RAB3D: variants seen among roughly 807,000 people sequenced by gnomAD.
The protein encoded by RAB3D is ras-related protein Rab-3D.
Under a neutral mutation model 19.3 loss-of-function variants are expected in RAB3D, and 17 were observed. The observed-to-expected ratio is 0.88, with a 90% CI of 0.60 to 1.32. The LOEUF (loss-of-function observed/expected upper bound fraction) is 1.32. Ranked by LOEUF, RAB3D falls within the 40% of genes most tolerant of loss-of-function variation. The pLI is 0.00. For synonymous variants in RAB3D, 103 were observed against 119.9 expected (o/e 0.86, Z 0.92); for missense variants, 223 against 299.1 (o/e 0.75, Z 1.88).
Position 11,337,338 on chromosome 19 carries a change from T to C in RAB3D, c.62A>G (p.Tyr21Cys), listed in dbSNP as rs921920867. The C allele has an allele frequency of 5.0e-6, 8 of 1,614,164 alleles. No homozygotes were observed. Among genetic ancestry groups the C allele is most frequent in the South Asian group, 2.2e-5 (2 of 91,080 alleles). The change falls in exon 2 of 5, where the codon TAT becomes TGT. Residue 21 changes from tyrosine to cysteine, a missense_variant. By Grantham distance (194) the Tyr-to-Cys change is radical. Transcript: ENST00000222120. ...PRDAADQNFD[Y>C]MFKLLLIGNS... ...GCCTATCAGTAGCAGTTTGAACATA[T>C]AGTCGAAGTTCTGATCTGCTGCATC...
intron 4 of RAB3D, among the ~76,000 whole-genome samples, chr19:11,327,670 A>T (rs943983707): frequency 3.9e-5 from 6 of 152,072 alleles, no homozygotes; most frequent in African/African-American, 1.4e-4. Flanking sequence ...AAGTGCTGGG[A>T]TTACAGGCAT....
rs199536980 is a variant in RAB3D at position 11,337,271 on chromosome 19, C to T, written c.129G>A (p.Ala43=). The change falls in exon 2 of 5, where the codon GCG becomes GCA. Residue 43 remains alanine (A), a synonymous_variant. Transcript: ENST00000222120. ...VGKTSFLFRY[A]DDSFTPAFVS... is the part of the protein sequence containing the mutation. ...CGAAGGCGGGAGTGAAGGAGTCGTC[C>T]GCGTATCGGAACAGGAAGGAAGTCT... 153 of 1,614,094 alleles carry T rather than the reference C, an allele frequency of 9.5e-5. No individual in the cohort carries two copies. Among genetic ancestry groups the T allele is most frequent in the Middle Eastern group, 1.6e-4 (1 of 6,062 alleles).
rs1341914914 is a variant in RAB3D at position 11,335,671 on chromosome 19, T to G, written c.341A>C (p.Gln114Pro). ...IANQESFAAV[Q>P]DWATQIKTYS... is the part of the protein sequence containing the mutation. ...ATGATCAGCAAGCACTCACCAGTCC[T>G]GCACAGCGGCAAAGGATTCCTGATT... The change falls in exon 3 of 5, where the codon CAG becomes CCG. Residue 114 changes from glutamine (Q) to proline (P), a missense_variant. Gln to Pro is a moderately conservative substitution (Grantham distance 76). Coordinates refer to ENST00000222120, the MANE Select transcript of RAB3D (RefSeq NM_004283.4). 2.5e-6 allele frequency: 4 copies of G among 1,614,100 alleles called. No homozygotes were observed. The highest frequency in any genetic ancestry group is 3.4e-6 in the Non-Finnish European group (4 of 1,179,952).
Position 11,337,236 on chromosome 19 carries a change from A to C in RAB3D, c.164T>G (p.Val55Gly). Residue 55 changes from valine to glycine, a missense_variant, in exon 2 of 5, where the codon GTG (valine) becomes GGG (glycine). Coordinates refer to ENST00000222120, the MANE Select transcript of RAB3D (RefSeq NM_004283.4). The part of the protein sequence containing the change: ...DSFTPAFVST[V>G]GIDFKVKTVY... ...GGTCTTGACCTTGAAATCGATGCCC[A>C]CAGTACTGACGAAGGCGGGAGTGAA... 6.2e-7 allele frequency: 1 copy of C among 1,614,026 alleles called. No homozygotes were observed. Among genetic ancestry groups the C allele is most frequent in the Non-Finnish European group, 8.5e-7 (1 of 1,180,002 alleles).
Position 11,324,552 on chromosome 19 carries a change from T to C in RAB3D, c.*846A>G, listed in dbSNP as rs1280140571. 1 of 152,650 alleles carries C rather than the reference T, an allele frequency of 6.6e-6. No individual in the cohort carries two copies. The highest frequency in any genetic ancestry group is 6.5e-5 in the Admixed American group (1 of 15,278). 9.5% of individuals were successfully genotyped at this position (152,650 alleles called of 1,614,324 possible). On this transcript the variant is annotated 3_prime_UTR_variant, in exon 5 of 5. Transcript: ENST00000222120. ...GGCCCCAGCCCCAGGCTCCTGGCTC[T>C]GAGGTTAATTAACTTCTGGCCGAAA... is the stretch of plus-strand genomic sequence containing the variant.
chr19:11,335,653 G>C lies in RAB3D; in HGVS notation c.347+12C>G. 1 of 1,613,616 alleles carries C rather than the reference G, an allele frequency of 6.2e-7. No individual in the cohort carries two copies. The highest frequency in any genetic ancestry group is 2.2e-5 in the East Asian group (1 of 44,872). ...GGCAAAGATCAGGGGTCCATGATCAGCAAGCACTCACCAGTCCTGCACAGC... is the reference window on the plus strand; with the variant it reads ...GGCAAAGATCAGGGGTCCATGATCACCAAGCACTCACCAGTCCTGCACAGC... On this transcript the variant is annotated intron_variant, in intron 3 of 4. Coordinates refer to ENST00000222120, the MANE Select transcript of RAB3D (RefSeq NM_004283.4).
Position 11,323,552 on chromosome 19 carries a change from C to G in RAB3D, c.*1846G>C, listed in dbSNP as rs778375036. The G allele has an allele frequency of 6.6e-6, 1 of 152,176 alleles. No individual in the cohort carries two copies. The highest frequency in any genetic ancestry group is 1.5e-5 in the Non-Finnish European group (1 of 68,058). 9.4% of individuals were successfully genotyped at this position (152,176 alleles called of 1,614,324 possible). ...GTTGCAGTAAGCTGAGATTGTGCCA[C>G]CGCACTCCAGCCTGGGCAATAGAGC... On this transcript the variant is annotated 3_prime_UTR_variant, in exon 5 of 5. Coordinates refer to ENST00000222120, the MANE Select transcript of RAB3D (RefSeq NM_004283.4).
chr19:11,334,923 A>C (rs1409700879), intron 4 of RAB3D, among the ~76,000 whole-genome samples: 2 of 152,140 alleles, frequency 1.3e-5, no homozygotes, highest in Non-Finnish European at 2.9e-5. Flanking sequence ...ACTCCAACTC[A>C]AAAAAATAAA....
Position 11,335,561 on chromosome 19 carries a change from T to C in RAB3D, c.358A>G (p.Ile120Val), listed in dbSNP as rs1236822080. 6.2e-7 allele frequency: 1 copy of C among 1,614,002 alleles called. No homozygotes were observed. Among genetic ancestry groups the C allele is most frequent in the African/African-American group, 1.3e-5 (1 of 74,900 alleles). Residue 120 changes from isoleucine (I) to valine (V), a missense_variant, in exon 4 of 5, where the codon ATC becomes GTC. By Grantham distance (29) the Ile-to-Val change is conservative. Coordinates refer to ENST00000222120, the MANE Select transcript of RAB3D (RefSeq NM_004283.4). Reference protein sequence around the residue: ...FAAVQDWATQIKTYSWDNAQV... With the variant: ...FAAVQDWATQVKTYSWDNAQV... ...GCGTTGTCCCAGGAGTAGGTCTTGATTTGCGTGGCCCTGCAGAGTTACCAG... is the reference window on the plus strand; with the variant it reads ...GCGTTGTCCCAGGAGTAGGTCTTGACTTGCGTGGCCCTGCAGAGTTACCAG...
intron 4 of RAB3D, among the ~76,000 whole-genome samples, chr19:11,333,988 G>A (rs1021239776): frequency 2.0e-5 from 3 of 151,912 alleles, no homozygotes; most frequent in South Asian, 2.1e-4. Flanking sequence ...GAGCCACCAC[G>A]CCCGGCCACA....
intron 1 of RAB3D, among the ~76,000 whole-genome samples, chr19:11,338,473 C>G (rs545441943): frequency 2.6e-5 from 4 of 152,270 alleles, no homozygotes; most frequent in African/African-American, 9.6e-5. Flanking sequence ...AGGTGTCAGC[C>G]ACTGGGGCGC....
In RAB3D at chr19:11,322,186, C is replaced by T. The variant is rs921272294; in HGVS notation, c.*3212G>A. 1.3e-5 allele frequency: 2 copies of T among 152,082 alleles called. No homozygotes were observed. The highest frequency in any genetic ancestry group is 2.4e-5 in the African/African-American group (1 of 41,398). The allele number at this position is 152,082 out of a possible 1,614,324, so 9.4% of individuals were successfully genotyped here. A position where few individuals can be genotyped will look rare whatever the true frequency, so the allele number is the denominator to read the frequency against. The stretch of plus-strand genomic sequence containing the variant: ...AGGATAGAAAGGACCAGCCAGAGCT[C>T]GTTCAGTAGTGTATTTCAGAATCAT... On this transcript the variant is annotated 3_prime_UTR_variant, in exon 5 of 5. Transcript: ENST00000222120.
chr19:11,326,550 C>T (rs544864637), intron 4 of RAB3D, among the ~76,000 whole-genome samples: 1 of 152,208 alleles, frequency 6.6e-6, no homozygotes, highest in African/African-American at 2.4e-5. Flanking sequence ...CAGCTTCCAC[C>T]CAATTTCTGC....
intron 4 of RAB3D, among the ~76,000 whole-genome samples, chr19:11,331,482 C>T (rs1437616231): frequency 6.7e-5 from 10 of 149,616 alleles, no homozygotes; most frequent in Non-Finnish European, 1.3e-4. Context: ...TGAGGCAGGC[C>T]GACTGCTTGA....
At chr19:11,337,561 T>C (rs925743688) in intron 1 of RAB3D, 101 bp from the exon 2 acceptor site, 2 of 624,304 alleles carry the variant, frequency 3.2e-6, no homozygotes, top group Non-Finnish European at 5.7e-6. Flanking sequence ...GCTGGATGCA[T>C]CGCTTGCCCC....
chr19:11,325,329 G>T lies in RAB3D; in HGVS notation c.*69C>A. ...TGCCCTGAGCTTGGAGATAACCACT[G>T]TGGCTCACGCCTCGATCACAGTCCC... On this transcript the variant is annotated 3_prime_UTR_variant, in exon 5 of 5. Transcript: ENST00000222120. The T allele has an allele frequency of 9.6e-7, 1 of 1,043,014 alleles. No individual in the cohort carries two copies. The highest frequency in any genetic ancestry group is 1.4e-6 in the Non-Finnish European group (1 of 718,104). The allele number at this position is 1,043,014 out of a possible 1,614,324, so 64.6% of individuals were successfully genotyped here.
chr19:11,326,074 T>C (rs544362827), intron 4 of RAB3D, among the ~76,000 whole-genome samples: 3 of 151,836 alleles, frequency 2.0e-5, no homozygotes, highest in South Asian at 4.2e-4. Flanking sequence ...GACAAAAAAT[T>C]AGCTGGGCAT....
rs149438313 is a variant in RAB3D, at chr19:11,334,830, G to A, written c.472+617C>T. On this transcript the variant is annotated intron_variant, in intron 4 of 4. Coordinates refer to ENST00000222120, the MANE Select transcript of RAB3D (RefSeq NM_004283.4). ...ACCAGCTACTTGGGAGGCTGAAGCA[G>A]GAGAATTGCTTGAACCTGGGAGGTG... 6.1e-3 allele frequency among the ~76,000 whole-genome samples: 929 copies of A among 152,146 alleles called. 8 individuals carry two copies. Among genetic ancestry groups the A allele is most frequent in the African/African-American group, 0.022 (895 of 41,502 alleles).
intron 4 of RAB3D, among the ~76,000 whole-genome samples, chr19:11,334,033 C>A (rs944414134): frequency 2.6e-5 from 4 of 152,134 alleles, no homozygotes; most frequent in Non-Finnish European, 5.9e-5. Context: ...CACACCCATT[C>A]ATTTATGCAT....
Sources: gnomAD v4.1 joint callset for allele counts (sites outside exome capture counted in the v4.1 genomes callset) on GRCh38, gnomAD v4.1.1 for gene constraint, MANE v1.5 for transcripts, NCBI Gene and HGNC (gene_info 2026-07-23, HGNC 2026-07-21) for gene names.